Variants in SLC7A7 observed in about 807,000 individuals in gnomAD.
The protein encoded by SLC7A7 is solute carrier family 7 member 7.
In SLC7A7, 39 loss-of-function variants were observed where a neutral mutation model predicts 47.9. That is an observed-to-expected ratio of 0.81 (90% CI 0.63 to 1.06). The LOEUF (loss-of-function observed/expected upper bound fraction) is 1.06, where lower values mean the gene tolerates loss of function less well. SLC7A7 is among the 50% of genes least tolerant of loss of function. The pLI, the probability that SLC7A7 is intolerant of heterozygous loss-of-function variation, is 0.00. For synonymous variants in SLC7A7, 234 were observed against 242.8 expected (o/e 0.96, Z 0.34); for missense variants, 588 against 632.0 (o/e 0.93, Z 0.75).
rs182211713 is a variant in SLC7A7, at chr14:22,782,086, A to T, written c.500-2035T>A. ...TGAAATGGAAATACATGGCTTGTTTATATTTTATTTTATTTATTTTTCTTT... is the reference window on the plus strand; with the variant it reads ...TGAAATGGAAATACATGGCTTGTTTTTATTTTATTTTATTTATTTTTCTTT... On this transcript the variant is annotated intron_variant, in intron 2 of 9. Coordinates refer to ENST00000674313, the MANE Select transcript of SLC7A7 (RefSeq NM_003982.4). Among the ~76,000 whole-genome samples the T allele has an allele frequency of 5.3e-5, 8 of 152,186 alleles. No individual in the cohort carries two copies. In the East Asian group the frequency reaches 1.5e-3, roughly 29 times the overall value.
intron 2 of SLC7A7, among the ~76,000 whole-genome samples, chr14:22,795,877 T>C (rs1388667655): frequency 6.6e-6 from 1 of 152,020 alleles, no homozygotes; most frequent in Non-Finnish European, 1.5e-5. Context: ...CCCAGCTTCT[T>C]CTGAGGCAGA....
At position 22,775,884 on chromosome 14, in the gene SLC7A7, A is replaced by G; in HGVS notation, c.947T>C (p.Val316Ala). The G allele has an allele frequency of 4.3e-6, 7 of 1,614,226 alleles. No homozygotes were observed. The highest frequency in any genetic ancestry group is 5.9e-6 in the Non-Finnish European group (7 of 1,180,030). Residue 316 changes from valine (V) to alanine (A), a missense_variant, in exon 6 of 10, where the codon GTT becomes GCT. Physicochemically the swap from Val to Ala is moderately conservative, Grantham distance 64. Transcript: ENST00000674313. ...GAGGCCACCAAAACAGGATAATGCA[A>G]CTGACAGTGGAATTATCCAGTTAAA... ...GIFNWIIPLS[V>A]ALSCFGGLNA...
In SLC7A7 at chr14:22,775,550, G is replaced by A. The variant is rs935978380; in HGVS notation, c.999-10C>T. ...GCCCACAAAGAAAAGCCTATGTTAG[G>A]TAAGATAGGAGAAGCTGAGAAAATT... On this transcript the variant is annotated splice_polypyrimidine_tract_variant and intron_variant, in intron 6 of 9. Coordinates refer to ENST00000674313, the MANE Select transcript of SLC7A7 (RefSeq NM_003982.4). The A allele has an allele frequency of 2.0e-5, 32 of 1,610,814 alleles. No homozygotes were observed. Among genetic ancestry groups the A allele is most frequent in the Non-Finnish European group, 2.5e-5 (30 of 1,176,968 alleles).
chr14:22,773,684 T>G lies in SLC7A7; in HGVS notation c.1462A>C (p.Met488Leu). 1 of 1,614,186 alleles carries G rather than the reference T, an allele frequency of 6.2e-7. No individual in the cohort carries two copies. Among genetic ancestry groups the G allele is most frequent in the Non-Finnish European group, 8.5e-7 (1 of 1,180,032 alleles). The change falls in exon 10 of 10, where the codon ATG (methionine) becomes CTG (leucine). Residue 488 changes from methionine to leucine, a missense_variant. Physicochemically the swap from Met to Leu is conservative, Grantham distance 15 (BLOSUM62 2). Transcript: ENST00000674313. ...SATRYLQVLCMSVAAEMDLED... is the reference protein window; with the variant it reads ...SATRYLQVLCLSVAAEMDLED... ...AAATCCATTTCTGCAGCAACTGACATACACAGGACCTGGAGGTACCTTGTG... is the reference window on the plus strand; with the variant it reads ...AAATCCATTTCTGCAGCAACTGACAGACACAGGACCTGGAGGTACCTTGTG...
intron 2 of SLC7A7, among the ~76,000 whole-genome samples, chr14:22,789,514 G>C (rs1043167794): frequency 6.6e-6 from 1 of 151,734 alleles, no homozygotes; most frequent in Admixed American, 6.6e-5. Context: ...TATAATCCCA[G>C]CTACTCAGGA....
chr14:22,815,918 T>C (rs974553126), upstream of SLC7A7: 15 of 342,262 alleles, frequency 4.4e-5, no homozygotes, highest in Admixed American at 1.5e-4. Flanking sequence ...GTAAGAGCAG[T>C]CTCTACACCA....
Position 22,778,790 on chromosome 14 carries a change from T to C in SLC7A7, c.770+3A>G. 1 of 1,614,060 alleles carries C rather than the reference T, an allele frequency of 6.2e-7. No individual in the cohort carries two copies. On this transcript the variant is annotated splice_donor_region_variant and intron_variant, in intron 4 of 9. Coordinates refer to ENST00000674313, the MANE Select transcript of SLC7A7 (RefSeq NM_003982.4). ...TATGGAAAGTTGGTGGTGCAGTACC[T>C]ACCTCTCAGGATTCTTGATCTCTTC...
In SLC7A7 at chr14:22,780,037, T is replaced by A. The variant is rs1409172940; in HGVS notation, c.514A>T (p.Ile172Phe). The stretch of plus-strand genomic sequence containing the variant: ...CCCCATTTGACATAGGCACAGTTAA[T>A]GAAGGTTAAGAGACCTGAAAGAAAA... ...AAACICLLTF[I>F]NCAYVKWGTL... The change falls in exon 3 of 10, where the codon ATT (isoleucine) becomes TTT (phenylalanine). Residue 172 changes from isoleucine (I) to phenylalanine (F), a missense_variant. By Grantham distance (21) the Ile-to-Phe change is conservative. Transcript: ENST00000674313. The A allele has an allele frequency of 6.2e-7, 1 of 1,613,976 alleles. No homozygotes were observed. Among genetic ancestry groups the A allele is most frequent in the Non-Finnish European group, 8.5e-7 (1 of 1,180,006 alleles).
Position 22,774,048 on chromosome 14 carries a change from A to G in SLC7A7, c.1314T>C (p.Ser438=), listed in dbSNP as rs780863942. ...TIFLVAVPLY[S]DTINSLIGIA... Reference sequence around the variant, plus strand: ...TGCCGATGAGGGAGTTGATAGTATCACTGTAAAGTGGAACAGCCACCAGGA... The same window carrying G: ...TGCCGATGAGGGAGTTGATAGTATCGCTGTAAAGTGGAACAGCCACCAGGA... The change falls in exon 9 of 10, where the codon AGT becomes AGC. Residue 438 remains serine, a synonymous_variant. Transcript: ENST00000674313. 3 of 1,614,102 alleles carry G rather than the reference A, an allele frequency of 1.9e-6. No homozygotes were observed. Among genetic ancestry groups the G allele is most frequent in the South Asian group, 2.2e-5 (2 of 91,092 alleles).
intron 2 of SLC7A7, among the ~76,000 whole-genome samples, chr14:22,784,677 T>C (rs2038782714): frequency 6.6e-6 from 1 of 151,154 alleles, no homozygotes; most frequent in Non-Finnish European, 1.5e-5. Context: ...GAATGGATCA[T>C]CAAACCCAGC....
At chr14:22,805,139 A>G (rs1309131806) in intron 2 of SLC7A7, among the ~76,000 whole-genome samples, 1 of 151,958 alleles carries the variant, frequency 6.6e-6, no homozygotes, top group Non-Finnish European at 1.5e-5. Context: ...AGGCCAAGGC[A>G]GGTGGACCAC....
intron 2 of SLC7A7, among the ~76,000 whole-genome samples, chr14:22,810,359 G>C (rs944909627): frequency 6.6e-6 from 1 of 151,434 alleles, no homozygotes; most frequent in African/African-American, 2.4e-5. Context: ...CTACTCGGGA[G>C]GCTGAGGCAG....
At chr14:22,806,975 G>T (rs181362047) in intron 2 of SLC7A7, among the ~76,000 whole-genome samples, 8 of 143,680 alleles carry the variant, frequency 5.6e-5, no homozygotes, top group Non-Finnish European at 1.2e-4. Flanking sequence ...TGGGCTCACT[G>T]CAAGCTCCGC....
chr14:22,777,516 C>A (rs1395875627), intron 4 of SLC7A7, among the ~76,000 whole-genome samples: 1 of 152,116 alleles, frequency 6.6e-6, no homozygotes, highest in Non-Finnish European at 1.5e-5. Flanking sequence ...CTCTCAAGGT[C>A]CCTGTAGCCC....
intron 2 of SLC7A7, among the ~76,000 whole-genome samples, chr14:22,797,209 G>A (rs376439717): frequency 6.6e-6 from 1 of 152,174 alleles, no homozygotes; most frequent in Non-Finnish European, 1.5e-5. Context: ...GAGACGGGGA[G>A]TGGGATTATC....
intron 2 of SLC7A7, among the ~76,000 whole-genome samples, chr14:22,804,018 T>G (rs1206224227): frequency 6.6e-6 from 1 of 152,160 alleles, no homozygotes; most frequent in African/African-American, 2.4e-5. Context: ...ACTAGATTGG[T>G]TTCCCAGTTA....
rs1222180706 is a variant in SLC7A7, at chr14:22,788,072, CA to C, written c.500-8022del. On this transcript the variant is annotated intron_variant, in intron 2 of 9. Coordinates refer to ENST00000674313, the MANE Select transcript of SLC7A7 (RefSeq NM_003982.4). ...TGGGTGACAGAGCGAGAGTTCGTCTCAAAAAAAAAAAAATTAAAATGTTGAC... is the reference window on the plus strand; with the variant it reads ...TGGGTGACAGAGCGAGAGTTCGTCTCAAAAAAAAAAAATTAAAATGTTGAC... 5.0e-4 allele frequency among the ~76,000 whole-genome samples: 68 copies of C among 137,368 alleles called. 1 individual carries two copies. Among genetic ancestry groups the C allele is most frequent in the Admixed American group, 5.1e-4 (7 of 13,774 alleles). 90.1% of individuals were successfully genotyped at this position (137,368 alleles called of 152,430 possible). A position where few individuals can be genotyped will look rare whatever the true frequency, so the allele number is the denominator to read the frequency against.
At chr14:22,787,239 C>T (rs1399877451) in intron 2 of SLC7A7, among the ~76,000 whole-genome samples, 1 of 151,730 alleles carries the variant, frequency 6.6e-6, no homozygotes, top group Admixed American at 6.6e-5. Context: ...AGTTTGAGAC[C>T]AGGTTGGCCA....
chr14:22,777,283 T>TTA (rs776563519), intron 4 of SLC7A7, among the ~76,000 whole-genome samples: 1 of 152,238 alleles, frequency 6.6e-6, no homozygotes. Flanking sequence ...ATCTCTAAGA[T>TTA]TATCAACATT....
Sources: allele counts gnomAD v4.1 joint callset (sites outside exome capture counted in the v4.1 genomes callset), GRCh38; gene constraint gnomAD v4.1.1; transcripts MANE v1.5; gene names NCBI Gene and HGNC (gene_info 2026-07-23, HGNC 2026-07-21).